The following RRM2 variants were observed in gnomAD, a reference collection of about 807,000 sequenced individuals.
RRM2 encodes ribonucleotide reductase regulatory subunit M2, also known as ribonucleoside-diphosphate reductase subunit M2.
In RRM2, 6 loss-of-function variants were observed where a neutral mutation model predicts 45.9. That is an observed-to-expected ratio of 0.13 (90% CI 0.07 to 0.26). RRM2 has a LOEUF of 0.26. RRM2 is among the 10% of genes least tolerant of loss of function. RRM2 has a pLI of 1.00. For synonymous variants in RRM2, 177 were observed against 173.0 expected, an observed-to-expected ratio of 1.02 and a Z score of -0.18; for missense variants, 343 against 489.5, an observed-to-expected ratio of 0.70 and a Z score of 2.82.
At chr2:10,138,958 A>G (rs1663036102), upstream of RRM2, among the ~76,000 whole-genome samples, 1 of 152,156 alleles carries the variant, frequency 6.6e-6, no homozygotes, top group African/African-American at 2.4e-5. Context: ...GAATACAAAA[A>G]TTAGCCGGAC....
chr2:10,180,551 T>G (rs868681716), intron 3 of RRM2, among the ~76,000 whole-genome samples: 14 of 152,296 alleles, frequency 9.2e-5, no homozygotes, highest in African/African-American at 2.9e-4. Context: ...GCACTCGTGG[T>G]TGGCCCCTTC....
upstream of RRM2, among the ~76,000 whole-genome samples, chr2:10,140,967 G>A (rs1182163308): frequency 1.3e-5 from 2 of 152,184 alleles, no homozygotes; most frequent in Non-Finnish European, 2.9e-5. Flanking sequence ...GTTAGGAGGA[G>A]GTGCCCCGGG....
At chr2:10,159,326 C>T (rs1663504787) in intron 3 of RRM2, among the ~76,000 whole-genome samples, 1 of 152,238 alleles carries the variant, frequency 6.6e-6, no homozygotes, top group South Asian at 2.1e-4. Context: ...TTTCCCCTGA[C>T]TGGTTCTCGC....
intron 3 of RRM2, among the ~76,000 whole-genome samples, chr2:10,175,951 A>G (rs1442135967): frequency 1.3e-5 from 2 of 152,100 alleles, no homozygotes; most frequent in Non-Finnish European, 2.9e-5. Flanking sequence ...CTATGGGTGG[A>G]TTCATACAGT....
chr2:10,181,005 C>A (rs142696843), intron 3 of RRM2, among the ~76,000 whole-genome samples: 6,057 of 152,128 alleles, frequency 0.04, 401 homozygotes, highest in African/African-American at 0.14. Context: ...GACCTCAGGT[C>A]ATCTACCTGC....
chr2:10,141,510 AG>A (rs1663077877), exon 1 of RRM2: 1 of 299,424 alleles, frequency 3.3e-6, no homozygotes, highest in Admixed American at 4.5e-5. Flanking sequence ...GGTCACTGCC[AG>A]CAGAGGTCTG....
chr2:10,131,781 T>G (rs1344722945), downstream of RRM2, among the ~76,000 whole-genome samples: 1 of 152,212 alleles, frequency 6.6e-6, no homozygotes, highest in African/African-American at 2.4e-5. Flanking sequence ...TTCATTTGCT[T>G]TCCACTGGTT....
chr2:10,182,944 G>T (rs13390304), intron 3 of RRM2, among the ~76,000 whole-genome samples: 1 of 152,020 alleles, frequency 6.6e-6, no homozygotes, highest in Admixed American at 6.5e-5. Flanking sequence ...TTGAGAGGCC[G>T]AGGTGGGAGG....
At chr2:10,210,303 C>G in intron 3 of RRM2, 1 of 1,363,200 alleles carries the variant, frequency 7.3e-7, no homozygotes, top group Non-Finnish European at 9.8e-7. Flanking sequence ...TCTTTCCTGT[C>G]CAATCAGTCT....
At chr2:10,143,127 C>G (rs1663118775) in intron 3 of RRM2, among the ~76,000 whole-genome samples, 1 of 152,244 alleles carries the variant, frequency 6.6e-6, no homozygotes, top group Non-Finnish European at 1.5e-5. Context: ...CCTGCCTTGG[C>G]CTCCCAAAGG....
chr2:10,130,048 CT>C lies in RRM2; in HGVS notation c.*664del, dbSNP rs1662864428. 6.6e-6 allele frequency: 1 copy of C among 152,186 alleles called. No homozygotes were observed. The highest frequency in any genetic ancestry group is 6.6e-5 in the Admixed American group (1 of 15,266). The allele number at this position is 152,186 out of a possible 1,614,324, so 9.4% of individuals were successfully genotyped here. On this transcript the variant is annotated 3_prime_UTR_variant, in exon 10 of 10. Coordinates refer to ENST00000304567, the MANE Select transcript of RRM2 (RefSeq NM_001034.4). The stretch of plus-strand genomic sequence containing the variant: ...GACAGGTTGTGTTTTTATCCTGTGG[CT>C]TGTGTAGTGTCCTGGGATTCTCTGC...
At chr2:10,177,841 C>T (rs531369267) in intron 3 of RRM2, among the ~76,000 whole-genome samples, 2 of 151,860 alleles carry the variant, frequency 1.3e-5, no homozygotes, top group South Asian at 2.1e-4. Flanking sequence ...AGGCTGGTCT[C>T]GAACTTCTGA....
rs1481272956 is a variant in RRM2, at chr2:10,171,710, C to T, written n.482+29335C>T. On this transcript the variant is annotated intron_variant and non_coding_transcript_variant, in intron 3 of 3. Coordinates refer to the RRM2 transcript ENST00000381786. The surrounding 1 kb of genome is among the most constrained non-coding windows in gnomAD (Gnocchi z 4.1). ...GGCATAGGGAGCCGAGCAGGGCAGC[C>T]GGGCAGAGGCAGGAATGAATCCTAC... Among the ~76,000 whole-genome samples the T allele has an allele frequency of 2.0e-5, 3 of 152,146 alleles. No homozygotes were observed. The highest frequency in any genetic ancestry group is 2.1e-4 in the South Asian group (1 of 4,826).
intron 3 of RRM2, among the ~76,000 whole-genome samples, chr2:10,178,879 C>T (rs1243864720): frequency 6.6e-6 from 1 of 152,084 alleles, no homozygotes; most frequent in Non-Finnish European, 1.5e-5. Context: ...TGCCACTGCC[C>T]CTTTAACCAC....
chr2:10,123,556 C>G, intron 3 of RRM2, 26 bp downstream of exon 3: 1 of 1,590,042 alleles, frequency 6.3e-7, no homozygotes, highest in Non-Finnish European at 8.6e-7. Flanking sequence ...CAGAAGACCC[C>G]TGCAGGGGTG....
intron 3 of RRM2, among the ~76,000 whole-genome samples, chr2:10,184,134 G>A (rs533985612): frequency 7.4e-6 from 1 of 135,316 alleles, no homozygotes; most frequent in South Asian, 2.3e-4. Context: ...AAAAAGCAGG[G>A]CAGCAGGGTT....
Position 10,122,886 on chromosome 2 carries a change from A to G in RRM2, c.88A>G (p.Lys30Glu). 1 of 1,593,844 alleles carries G rather than the reference A, an allele frequency of 6.3e-7. No individual in the cohort carries two copies. Among genetic ancestry groups the G allele is most frequent in the Non-Finnish European group, 8.5e-7 (1 of 1,172,644 alleles). ...SPLKGLSLVDKENTPPALSGT... is the reference protein window; with the variant it reads ...SPLKGLSLVDEENTPPALSGT... Reference sequence around the variant, plus strand: ...GCTGAAGGGGCTCAGCTTGGTCGACAAGGAGAACACGGTGAGCCCGCGGGG... The same window carrying G: ...GCTGAAGGGGCTCAGCTTGGTCGACGAGGAGAACACGGTGAGCCCGCGGGG... The change falls in exon 1 of 10, where the codon AAG (lysine) becomes GAG (glutamate). Residue 30 changes from lysine (K) to glutamate (E), a missense_variant. Transcript: ENST00000304567.
At chr2:10,175,763 AT>A (rs59804995) in intron 3 of RRM2, among the ~76,000 whole-genome samples, 47,250 of 149,668 alleles carry the variant, frequency 0.32, 7,651 homozygotes, top group South Asian at 0.49. Flanking sequence ...CGCTCAGCTA[AT>A]TTTTTTTTTT....
At chr2:10,122,593 G>T, upstream of RRM2, 1 of 1,465,644 alleles carries the variant, frequency 6.8e-7, no homozygotes, top group Middle Eastern at 1.8e-4. Context: ...CCCGCGGCCA[G>T]CCTGGGTAGG....
Sources: allele counts gnomAD v4.1 joint callset (sites outside exome capture counted in the v4.1 genomes callset), GRCh38; gene constraint gnomAD v4.1.1; non-coding constraint Gnocchi (gnomAD v3.1); transcripts MANE v1.5; gene names NCBI Gene and HGNC (gene_info 2026-07-23, HGNC 2026-07-21).